Variants in CMTM8 observed in about 807,000 individuals in gnomAD.
CMTM8 encodes CKLF-like MARVEL transmembrane domain-containing protein 8.
CMTM8 carries 12 observed loss-of-function variants against 18.6 expected under a neutral mutation model. The ratio of observed to expected loss-of-function variants is 0.65; its 90% CI spans 0.41 to 1.05. The LOEUF is 1.05. CMTM8 is among the 50% of genes least tolerant of loss of function. The probability of loss-of-function intolerance (pLI) is 0.00; values close to 1 mark genes in which losing one functional copy is unlikely to be tolerated. For missense variants in CMTM8, 217 were observed against 227.2 expected, an observed-to-expected ratio of 0.95 and a Z score of 0.29; for synonymous variants, 87 against 90.6, an observed-to-expected ratio of 0.96 and a Z score of 0.23.
At chr3:32,298,914 TACACACACAC>T (rs35844853) in intron 1 of CMTM8, among the ~76,000 whole-genome samples, 3 of 131,430 alleles carry the variant, frequency 2.3e-5, no homozygotes, top group Non-Finnish European at 3.2e-5. Flanking sequence ...CACACACACA[TACACACACAC>T]ATATATATAT....
At chr3:32,250,252 C>A (rs1356604879) in intron 1 of CMTM8, among the ~76,000 whole-genome samples, 2 of 152,202 alleles carry the variant, frequency 1.3e-5, no homozygotes, top group Non-Finnish European at 2.9e-5. Flanking sequence ...TATGCCAGTA[C>A]CATGCTGTAT....
chr3:32,283,721 T>A (rs75259368), intron 1 of CMTM8, among the ~76,000 whole-genome samples: 3,182 of 152,182 alleles, frequency 0.021, 115 homozygotes, highest in African/African-American at 0.072. Context: ...TGTCCCACCC[T>A]CCACACTTGG....
chr3:32,307,971 G>A (rs1396596343), intron 1 of CMTM8, among the ~76,000 whole-genome samples: 1 of 152,210 alleles, frequency 6.6e-6, no homozygotes, highest in Non-Finnish European at 1.5e-5. Flanking sequence ...GAGAGTTTAG[G>A]CTCTGAGAAG....
chr3:32,345,928 G>T (rs1696586990), intron 1 of CMTM8, among the ~76,000 whole-genome samples: 1 of 152,228 alleles, frequency 6.6e-6, no homozygotes, highest in Non-Finnish European at 1.5e-5. Flanking sequence ...GCCAAGGTGG[G>T]CAGATCACCT....
intron 1 of CMTM8, among the ~76,000 whole-genome samples, chr3:32,307,799 C>A (rs1040577412): frequency 1.3e-5 from 2 of 152,128 alleles, no homozygotes; most frequent in Non-Finnish European, 2.9e-5. Context: ...TGGAGTGGAG[C>A]CATAGAATTT....
intron 1 of CMTM8, among the ~76,000 whole-genome samples, chr3:32,292,456 AT>A (rs1559371583): frequency 6.6e-6 from 1 of 152,062 alleles, no homozygotes; most frequent in African/African-American, 2.4e-5. Flanking sequence ...ATTAAATTCA[AT>A]TTTCAAATAG....
At chr3:32,241,854 T>C (rs879379282) in intron 1 of CMTM8, among the ~76,000 whole-genome samples, 2 of 152,226 alleles carry the variant, frequency 1.3e-5, no homozygotes, top group Non-Finnish European at 2.9e-5. Context: ...TTTGCCCTGG[T>C]GTTAGTAATT....
intron 1 of CMTM8, among the ~76,000 whole-genome samples, chr3:32,300,936 G>A (rs1575166698): frequency 6.6e-6 from 1 of 150,836 alleles, no homozygotes; most frequent in South Asian, 2.1e-4. Flanking sequence ...TTCTAGCCTG[G>A]GCAACAAGAG....
chr3:32,327,124 A>G (rs1696176747), intron 1 of CMTM8, among the ~76,000 whole-genome samples: 1 of 152,096 alleles, frequency 6.6e-6, no homozygotes, highest in Non-Finnish European at 1.5e-5. Flanking sequence ...AAAAAAAAAA[A>G]AAAATGGAGT....
At chr3:32,291,278 G>A (rs538628432) in intron 1 of CMTM8, among the ~76,000 whole-genome samples, 2 of 151,922 alleles carry the variant, frequency 1.3e-5, no homozygotes, top group Non-Finnish European at 2.9e-5. Context: ...ACAGGTGCCC[G>A]CCACCACATC....
In CMTM8 at chr3:32,279,096, TAGAA is replaced by T. The variant is rs577867740; in HGVS notation, c.147+39981_147+39984del. Among the ~76,000 whole-genome samples, 9 of 152,312 alleles carry T rather than the reference TAGAA, an allele frequency of 5.9e-5. No homozygotes were observed. The East Asian group carries it at 1.5e-3, about 26-fold the overall frequency. On this transcript the variant is annotated intron_variant, in intron 1 of 3. Transcript: ENST00000307526. ...CTTTCTTCTGAATAAGCTTCATTCTTAGAAAGAGTTTCTCTGCATGATGATGACA... is the reference window on the plus strand; with the variant it reads ...CTTTCTTCTGAATAAGCTTCATTCTTAGAGTTTCTCTGCATGATGATGACA...
At chr3:32,357,297 TC>T in intron 1 of CMTM8, 75 bp from the exon 2 acceptor site, 2 of 1,071,456 alleles carry the variant, frequency 1.9e-6, no homozygotes, top group Non-Finnish European at 2.8e-6. Context: ...TATTTTTTTT[TC>T]TTTGTCCCTC....
At chr3:32,267,753 A>G (rs1702370267) in intron 1 of CMTM8, among the ~76,000 whole-genome samples, 1 of 152,242 alleles carries the variant, frequency 6.6e-6, no homozygotes, top group South Asian at 2.1e-4. Context: ...ACAAATTTAC[A>G]AGAAAAAAAC....
chr3:32,364,873 G>A (rs1697002808), intron 2 of CMTM8, among the ~76,000 whole-genome samples: 1 of 152,234 alleles, frequency 6.6e-6, no homozygotes, highest in South Asian at 2.1e-4. Flanking sequence ...GCCACTGGGT[G>A]GGCCCTGGGA....
chr3:32,280,211 C>T (rs1702585994), intron 1 of CMTM8, among the ~76,000 whole-genome samples: 1 of 152,082 alleles, frequency 6.6e-6, no homozygotes, highest in African/African-American at 2.4e-5. Context: ...GGTCTGGAAG[C>T]AGGGAACCTA....
At chr3:32,312,969 A>C (rs1559376996) in intron 1 of CMTM8, among the ~76,000 whole-genome samples, 1 of 152,092 alleles carries the variant, frequency 6.6e-6, no homozygotes, top group Non-Finnish European at 1.5e-5. Context: ...TGCTCTAATC[A>C]CTTAGGAAAT....
At chr3:32,335,078 T>A (rs1696360498) in intron 1 of CMTM8, among the ~76,000 whole-genome samples, 1 of 152,142 alleles carries the variant, frequency 6.6e-6, no homozygotes, top group African/African-American at 2.4e-5. Flanking sequence ...TCCTGAGTAA[T>A]AGCATACCTT....
At chr3:32,295,468 AAAAAAAAAAACAAAAC>A (rs1242294412) in intron 1 of CMTM8, among the ~76,000 whole-genome samples, 14 of 142,082 alleles carry the variant, frequency 9.9e-5, no homozygotes, top group African/African-American at 1.9e-4. Flanking sequence ...AAAAAAAAAA[AAAAAAAAAAACAAAAC>A]AAAACAGCGG....
chr3:32,330,196 C>CTTT (rs1559381415), intron 1 of CMTM8, among the ~76,000 whole-genome samples: 1 of 77,634 alleles, frequency 1.3e-5, no homozygotes, highest in Non-Finnish European at 2.4e-5. Flanking sequence ...ATCCCAGTGG[C>CTTT]ATTTTTTTTT....
Sources: allele counts gnomAD v4.1 joint callset (sites outside exome capture counted in the v4.1 genomes callset), GRCh38; gene constraint gnomAD v4.1.1; transcripts MANE v1.5; gene names NCBI Gene and HGNC (gene_info 2026-07-23, HGNC 2026-07-21).